Variants in VIPAS39 observed in about 807,000 individuals in gnomAD.
The protein encoded by VIPAS39 is spermatogenesis-defective protein 39 homolog.
In VIPAS39, 63 loss-of-function variants were observed where a neutral mutation model predicts 84.7. The observed-to-expected ratio is 0.74, with a 90% CI of 0.61 to 0.92. The LOEUF is 0.92. Ranked by LOEUF, VIPAS39 falls within the 40% of genes least tolerant of loss-of-function variation. The pLI is 0.00. For synonymous variants in VIPAS39, 192 were observed against 216.5 expected (o/e 0.89, Z 0.99); for missense variants, 499 against 604.5 (o/e 0.83, Z 1.83).
At chr14:77,428,926 T>C in intron 18 of VIPAS39, 80 bp downstream of exon 18, 1 of 1,337,860 alleles carries the variant, frequency 7.5e-7, no homozygotes, top group South Asian at 1.2e-5. Context: ...CCTCAGGATC[T>C]TGGACAGAGA....
At chr14:77,446,261 T>G (rs1182417083) in intron 7 of VIPAS39, among the ~76,000 whole-genome samples, 1 of 152,168 alleles carries the variant, frequency 6.6e-6, no homozygotes, top group Non-Finnish European at 1.5e-5. Context: ...ATTTATTCAT[T>G]TTTTCATTCC....
At chr14:77,448,699 G>A (rs1284453375) in intron 6 of VIPAS39, 149 bp from the exon 7 acceptor site, 10 of 887,334 alleles carry the variant, frequency 1.1e-5, no homozygotes, top group East Asian at 2.7e-5. Flanking sequence ...GAAATGGGAC[G>A]GTTTTGTTTT....
At position 77,440,045 on chromosome 14, in the gene VIPAS39, G is replaced by C. The variant is rs144705456; in HGVS notation, c.762+1021C>G. Among the ~76,000 whole-genome samples, 717 of 152,050 alleles carry C rather than the reference G, an allele frequency of 4.7e-3. 4 individuals are homozygous for C. Among genetic ancestry groups the C allele is most frequent in the African/African-American group, 0.017 (691 of 41,480 alleles). The stretch of plus-strand genomic sequence containing the variant: ...CTACAGGCATGCGCCACCATGCTTT[G>C]CTAATTTTTTAAATTTTTTTTTAGA... On this transcript the variant is annotated intron_variant, in intron 11 of 19. Coordinates refer to ENST00000557658, the MANE Select transcript of VIPAS39 (RefSeq NM_001193315.2).
chr14:77,452,510 G>C (rs1295069129), intron 3 of VIPAS39, among the ~76,000 whole-genome samples: 1 of 151,830 alleles, frequency 6.6e-6, no homozygotes, highest in African/African-American at 2.4e-5. Flanking sequence ...ACCAGGGATG[G>C]TGGCTCATAC....
chr14:77,434,904 A>G (rs547162547), intron 14 of VIPAS39, among the ~76,000 whole-genome samples: 2 of 136,864 alleles, frequency 1.5e-5, no homozygotes, highest in South Asian at 2.3e-4. Context: ...ATCTCAGAGA[A>G]AAAAAAAAAA....
intron 4 of VIPAS39, among the ~76,000 whole-genome samples, chr14:77,450,975 A>G (rs2078871977): frequency 6.6e-6 from 1 of 152,190 alleles, no homozygotes; most frequent in Non-Finnish European, 1.5e-5. Flanking sequence ...TCACAGGGTT[A>G]ATGTCAATTT....
intron 7 of VIPAS39, among the ~76,000 whole-genome samples, chr14:77,446,765 TAA>T (rs924487725): frequency 1.5e-4 from 23 of 152,002 alleles, no homozygotes; most frequent in Non-Finnish European, 3.1e-4. Context: ...TGAACTAGAA[TAA>T]AGAGTCCAGA....
chr14:77,449,895 A>C, intron 4 of VIPAS39, 143 bp from the exon 5 acceptor site: 1 of 996,974 alleles, frequency 1.0e-6, no homozygotes, highest in Non-Finnish European at 1.5e-6. Context: ...CATCTGTAGA[A>C]ATCTGAAGTG....
intron 6 of VIPAS39, 89 bp from the exon 7 acceptor site, chr14:77,448,639 G>A (rs1227445503): frequency 7.5e-7 from 1 of 1,328,778 alleles, no homozygotes; most frequent in East Asian, 2.3e-5. Context: ...CAGTCTTAGT[G>A]TCTAAGGGGG....
At position 77,451,298 on chromosome 14, in the gene VIPAS39, T is replaced by C; in HGVS notation, c.232A>G (p.Ser78Gly). The stretch of plus-strand genomic sequence containing the variant: ...TCACGCCCCTCGTGGGTTGAGCCGC[T>C]ATTACCAGCAGTCTCTCTGATGGAC... ...SWSIRETAGN[S>G]GSTHEGREQL... The change falls in exon 4 of 20, where the codon AGC becomes GGC. Residue 78 changes from serine to glycine, a missense_variant. Transcript: ENST00000557658. 6.2e-7 allele frequency: 1 copy of C among 1,614,216 alleles called. No homozygotes were observed. The highest frequency in any genetic ancestry group is 1.3e-5 in the African/African-American group (1 of 75,062).
intron 3 of VIPAS39, among the ~76,000 whole-genome samples, chr14:77,452,999 T>C (rs924623913): frequency 6.6e-6 from 1 of 152,098 alleles, no homozygotes; most frequent in African/African-American, 2.4e-5. Context: ...GAAGACCTAA[T>C]GAACAGAATC....
chr14:77,457,174 A>G, intron 1 of VIPAS39: 1 of 1,458,914 alleles, frequency 6.9e-7, no homozygotes, highest in Non-Finnish European at 9.0e-7. Context: ...CCAGGGAACA[A>G]GAGTTAAGCT....
intron 1 of VIPAS39, among the ~76,000 whole-genome samples, chr14:77,456,004 G>A (rs941442894): frequency 1.3e-5 from 2 of 152,238 alleles, no homozygotes; most frequent in African/African-American, 4.8e-5. Context: ...TCTGAGCAAA[G>A]TGGATAAATG....
At chr14:77,433,752 G>A (rs2078561100) in intron 16 of VIPAS39, 90 bp downstream of exon 16, 2 of 1,378,330 alleles carry the variant, frequency 1.5e-6, no homozygotes, top group Non-Finnish European at 2.0e-6. Context: ...AAAAGTTGGA[G>A]GAAAAATGTA....
chr14:77,438,145 A>G (rs1227640312), intron 11 of VIPAS39, among the ~76,000 whole-genome samples: 4 of 152,138 alleles, frequency 2.6e-5, no homozygotes, highest in Admixed American at 2.0e-4. Context: ...TCACCTCCTT[A>G]GTTAACACTA....
intron 10 of VIPAS39, 47 bp downstream of exon 10, chr14:77,442,513 G>A (rs1161040916): frequency 2.0e-6 from 3 of 1,510,872 alleles, no homozygotes; most frequent in East Asian, 2.3e-5. Flanking sequence ...AGAGTGCTTT[G>A]AAACAAGTAC....
chr14:77,429,762 C>A lies in VIPAS39; in HGVS notation c.1185G>T (p.Trp395Cys), dbSNP rs1446949289. 3 of 1,614,032 alleles carry A rather than the reference C, an allele frequency of 1.9e-6. No homozygotes were observed. Among genetic ancestry groups the A allele is most frequent in the Non-Finnish European group, 2.5e-6 (3 of 1,180,022 alleles). The change falls in exon 17 of 20, where the codon TGG becomes TGT. Residue 395 changes from tryptophan (W) to cysteine (C), a missense_variant. Trp to Cys is a radical substitution (Grantham distance 215). Transcript: ENST00000557658. Reference protein sequence around the residue: ...DVDALFTTKNWLGYTKKRAPI... With the variant: ...DVDALFTTKNCLGYTKKRAPI... ...GTGCTCTCTTCTTGGTATAGCCCAG[C>A]CAGTTCTGAAAGAGGAAGATGGGGT...
chr14:77,454,070 A>G lies in VIPAS39; in HGVS notation c.33T>C (p.Tyr11=), dbSNP rs749159271. 2.3e-5 allele frequency: 37 copies of G among 1,614,050 alleles called. No homozygotes were observed. Among genetic ancestry groups the G allele is most frequent in the Non-Finnish European group, 3.0e-5 (35 of 1,180,018 alleles). The change falls in exon 2 of 20, where the codon TAT becomes TAC. Residue 11 remains tyrosine (Y), a synonymous_variant. Coordinates refer to ENST00000557658, the MANE Select transcript of VIPAS39 (RefSeq NM_001193315.2). ...AAGCCTTGAACTTGGAGCTGTTCCA[A>G]TACTCCTCCTCATCACCCTTTGTCC... MNRTKGDEEE[Y]WNSSKFKAFT...
At chr14:77,427,773 G>T in intron 19 of VIPAS39, 137 bp from the exon 20 acceptor site, 1 of 1,122,338 alleles carries the variant, frequency 8.9e-7, no homozygotes. Context: ...CAGGAGGTGG[G>T]GGATGTTGAG....
Sources: gnomAD v4.1 joint callset for allele counts (sites outside exome capture counted in the v4.1 genomes callset) on GRCh38, gnomAD v4.1.1 for gene constraint, MANE v1.5 for transcripts, NCBI Gene and HGNC (gene_info 2026-07-23, HGNC 2026-07-21) for gene names.